The following SND1 variants were observed in gnomAD, a reference collection of about 807,000 sequenced individuals.
SND1 encodes staphylococcal nuclease and tudor domain containing 1.
In SND1, 38 loss-of-function variants were observed where a neutral mutation model predicts 121.7. That is an observed-to-expected ratio of 0.31 (90% confidence interval 0.24 to 0.41). SND1 has a LOEUF of 0.41. Ranked by LOEUF, SND1 falls within the 10% of genes least tolerant of loss-of-function variation. The pLI is 1.00. For synonymous variants in SND1, 401 were observed against 447.4 expected (o/e 0.90, Z 1.31); for missense variants, 868 against 1,184.6 (o/e 0.73, Z 3.92).
intron 16 of SND1, among the ~76,000 whole-genome samples, chr7:128,006,268 T>A (rs1053234325): frequency 1.3e-5 from 2 of 152,046 alleles, no homozygotes; most frequent in African/African-American, 4.8e-5. Flanking sequence ...TCAGCCTCAC[T>A]GGGAACAGTA....
chr7:127,922,869 G>A (rs1379851844), intron 14 of SND1, among the ~76,000 whole-genome samples: 4 of 152,220 alleles, frequency 2.6e-5, no homozygotes, highest in Admixed American at 1.3e-4. Flanking sequence ...CATGCTCCCA[G>A]AACTGGAGCT....
chr7:128,024,837 G>A (rs747252671), intron 16 of SND1, among the ~76,000 whole-genome samples: 5 of 152,204 alleles, frequency 3.3e-5, no homozygotes, highest in South Asian at 4.1e-4. Context: ...GAGAAGAGGA[G>A]CAAAAGACCC....
chr7:127,847,623 G>A (rs945195898), intron 12 of SND1, among the ~76,000 whole-genome samples: 1 of 152,146 alleles, frequency 6.6e-6, no homozygotes, highest in Non-Finnish European at 1.5e-5. Context: ...ATATTTTTGT[G>A]ATTTACACCC....
At chr7:127,805,411 G>C (rs1441012666) in intron 10 of SND1, among the ~76,000 whole-genome samples, 1 of 152,170 alleles carries the variant, frequency 6.6e-6, no homozygotes, top group Admixed American at 6.5e-5. Context: ...TTCTAGAAGA[G>C]CACTGGAATG....
chr7:127,863,454 G>C (rs542040798), intron 12 of SND1, among the ~76,000 whole-genome samples: 6 of 152,216 alleles, frequency 3.9e-5, no homozygotes, highest in African/African-American at 1.4e-4. Flanking sequence ...AAAAATTATT[G>C]CTTAGTGAAG....
At chr7:128,014,096 A>G (rs1053652810) in intron 16 of SND1, among the ~76,000 whole-genome samples, 6 of 152,164 alleles carry the variant, frequency 3.9e-5, no homozygotes, top group African/African-American at 1.4e-4. Flanking sequence ...GCAGTCAGTC[A>G]ATTAACACCT....
rs547454611 is a variant in SND1 at position 127,893,411 on chromosome 7, T to C, written c.1454+5399T>C. ...GCTACCAGTAGCTTTATTTTAAGAA[T>C]TCCTAGAAATTGTTAGAATCTGGCT... On this transcript the variant is annotated intron_variant, in intron 13 of 23. Transcript: ENST00000354725. Among the ~76,000 whole-genome samples the C allele has an allele frequency of 2.0e-5, 3 of 152,284 alleles. No individual in the cohort carries two copies. The East Asian group carries it at 5.8e-4, about 29-fold the overall frequency.
chr7:127,953,894 A>G (rs1377768670), intron 15 of SND1, among the ~76,000 whole-genome samples: 2 of 152,210 alleles, frequency 1.3e-5, no homozygotes, highest in African/African-American at 2.4e-5. Flanking sequence ...AAGGAAGGAA[A>G]TGAAATTTCA....
At chr7:128,070,587 A>G (rs1793393930) in intron 16 of SND1, among the ~76,000 whole-genome samples, 1 of 152,188 alleles carries the variant, frequency 6.6e-6, no homozygotes, top group African/African-American at 2.4e-5. Context: ...TGCAAATTAC[A>G]CAACACTCCA....
At chr7:127,918,047 G>A (rs1307594143) in intron 14 of SND1, among the ~76,000 whole-genome samples, 2 of 111,906 alleles carry the variant, frequency 1.8e-5, no homozygotes, top group Non-Finnish European at 3.4e-5. Flanking sequence ...ATCGGCCATA[G>A]ATTTTTTCTT....
At chr7:127,925,335 A>G (rs949986143) in intron 14 of SND1, among the ~76,000 whole-genome samples, 4 of 152,214 alleles carry the variant, frequency 2.6e-5, no homozygotes, top group African/African-American at 9.6e-5. Context: ...ATATTGGTGT[A>G]GATAACAGAA....
intron 10 of SND1, among the ~76,000 whole-genome samples, chr7:127,762,243 A>G (rs933060187): frequency 1.3e-4 from 20 of 152,226 alleles, no homozygotes; most frequent in Non-Finnish European, 2.6e-4. Flanking sequence ...ACAAAATACC[A>G]TAGACTCAAT....
At chr7:127,671,832 T>G (rs1414277818) in intron 1 of SND1, among the ~76,000 whole-genome samples, 1 of 152,214 alleles carries the variant, frequency 6.6e-6, no homozygotes, top group African/African-American at 2.4e-5. Flanking sequence ...AGCTTTCTTG[T>G]GCTAGGAATA....
intron 16 of SND1, among the ~76,000 whole-genome samples, chr7:127,994,168 A>G (rs1267692017): frequency 6.6e-6 from 1 of 152,136 alleles, no homozygotes; most frequent in Non-Finnish European, 1.5e-5. Context: ...GGTGGCTCCC[A>G]TTATCTTGAG....
chr7:127,936,737 G>A (rs887459434), intron 15 of SND1, among the ~76,000 whole-genome samples: 3 of 151,890 alleles, frequency 2.0e-5, no homozygotes, highest in African/African-American at 7.3e-5. Context: ...GTAGAGACAG[G>A]GTCTCAACTG....
chr7:127,818,008 C>T (rs1798479574), intron 11 of SND1, among the ~76,000 whole-genome samples: 1 of 152,014 alleles, frequency 6.6e-6, no homozygotes, highest in Non-Finnish European at 1.5e-5. Context: ...TCTGCTTTGT[C>T]ATATGGAAGA....
chr7:128,089,426 A>C, intron 21 of SND1, 63 bp from the exon 22 acceptor site: 3 of 1,482,376 alleles, frequency 2.0e-6, no homozygotes, highest in Non-Finnish European at 2.8e-6. Flanking sequence ...GTCTATGGAC[A>C]GGAGCTGGGG....
At chr7:128,053,785 C>G (rs1303279550) in intron 16 of SND1, among the ~76,000 whole-genome samples, 1 of 152,108 alleles carries the variant, frequency 6.6e-6, no homozygotes, top group Admixed American at 6.5e-5. Context: ...GGGAAGGATT[C>G]TCTGGTATTG....
intron 21 of SND1, among the ~76,000 whole-genome samples, chr7:128,087,316 C>T (rs537483395): frequency 2.0e-5 from 3 of 152,080 alleles, no homozygotes; most frequent in Admixed American, 2.0e-4. Flanking sequence ...TGGGCAGTGG[C>T]AGGAGGTGAT....
Sources: gnomAD v4.1 joint callset for allele counts (sites outside exome capture counted in the v4.1 genomes callset) on GRCh38, gnomAD v4.1.1 for gene constraint, MANE v1.5 for transcripts, NCBI Gene and HGNC (gene_info 2026-07-23, HGNC 2026-07-21) for gene names.